FLT4: variants seen among roughly 807,000 people sequenced by gnomAD.
FLT4 encodes the protein fms related receptor tyrosine kinase 4.
In FLT4, 30 loss-of-function variants were observed where a neutral mutation model predicts 163.2. The ratio of observed to expected loss-of-function variants is 0.18; its 90% confidence interval spans 0.14 to 0.25. FLT4 has a LOEUF of 0.25. FLT4 is among the 10% of genes least tolerant of loss of function. FLT4 has a pLI of 1.00. For synonymous variants in FLT4, 884 were observed against 789.5 expected (o/e 1.12, Z -2.01); for missense variants, 1,510 against 1,863.8 (o/e 0.81, Z 3.50).
intron 6 of FLT4, 45 bp downstream of exon 6, chr5:180,629,651 G>A (rs920288640): frequency 1.3e-6 from 2 of 1,599,332 alleles, no homozygotes; most frequent in Non-Finnish European, 1.7e-6. Context: ...TACAGTCACA[G>A]GGACTCCTGG....
rs761685785 is a variant in FLT4, at chr5:180,618,859, C to G, written c.2912G>C (p.Arg971Pro). ...CCTGTCGCTGCTCCCCGGCCGCCTC[C>G]GATCCAGCCTGGCGAGCTCCACCAT... is the stretch of plus-strand genomic sequence containing the variant. Reference protein sequence around the residue: ...RAMVELARLDRRRPGSSDRVL... With the variant: ...RAMVELARLDPRRPGSSDRVL... The change falls in exon 21 of 30, where the codon CGG (arginine) becomes CCG (proline). Residue 971 changes from arginine (R) to proline (P), a missense_variant. Around this residue, in one of 5 missense-constraint regions of FLT4, gnomAD observed 878 missense variants for 1,016.7 expected, o/e 0.86. Coordinates refer to ENST00000261937, the MANE Select transcript of FLT4 (RefSeq NM_182925.5). 1.3e-6 allele frequency: 2 copies of G among 1,582,714 alleles called. No individual in the cohort carries two copies. The highest frequency in any genetic ancestry group is 2.3e-5 in the East Asian group (1 of 43,084).
chr5:180,634,563 A>G (rs1015177286), intron 1 of FLT4, among the ~76,000 whole-genome samples: 14 of 151,342 alleles, frequency 9.3e-5, no homozygotes, highest in East Asian at 4.0e-4. Context: ...TTAGCTGGGC[A>G]TGGTGGCGGG....
At chr5:180,616,337 C>G (rs757107065) in intron 23 of FLT4, 30 bp downstream of exon 23, 1 of 1,613,642 alleles carries the variant, frequency 6.2e-7, no homozygotes, top group Non-Finnish European at 8.5e-7. Context: ...TTCCGCCCCA[C>G]GTTCCCTCTC....
chr5:180,647,662 C>T (rs890491266), intron 1 of FLT4, among the ~76,000 whole-genome samples: 5 of 151,996 alleles, frequency 3.3e-5, no homozygotes, highest in East Asian at 1.9e-4. Context: ...TGGGGGCTCC[C>T]GGGGTCTTCA....
In FLT4 at chr5:180,606,885, G is replaced by A. The variant is rs1428962648; in HGVS notation, c.3893+2083C>T. Among the ~76,000 whole-genome samples the A allele has an allele frequency of 7.2e-4, 86 of 118,916 alleles. 1 individual carries two copies. Among genetic ancestry groups the A allele is most frequent in the African/African-American group, 2.3e-3 (70 of 30,922 alleles). The allele number at this position is 118,916 out of a possible 152,430, so 78.0% of individuals were successfully genotyped here. A position where few individuals can be genotyped will look rare whatever the true frequency, so the allele number is the denominator to read the frequency against. On this transcript the variant is annotated intron_variant, in intron 29 of 29. Transcript: ENST00000261937. ...AGCCTGGCCAACGTGGCGAAACCCC[G>A]TCTCTACTAAAAAAAAAAAAAAAAA...
At chr5:180,625,064 C>A (rs995856955) in intron 10 of FLT4, among the ~76,000 whole-genome samples, 3 of 152,216 alleles carry the variant, frequency 2.0e-5, no homozygotes, top group Non-Finnish European at 2.9e-5. Context: ...GAGCCTCCCC[C>A]ACTGACCACA....
chr5:180,629,077 G>A, intron 7 of FLT4, 78 bp from the exon 8 acceptor site: 1 of 1,458,776 alleles, frequency 6.9e-7, no homozygotes, highest in South Asian at 1.1e-5. Flanking sequence ...CACGGCCCCT[G>A]CAGCCCCGGC....
chr5:180,648,651 G>T (rs1372194472), intron 1 of FLT4, among the ~76,000 whole-genome samples: 2 of 151,830 alleles, frequency 1.3e-5, no homozygotes, highest in African/African-American at 2.4e-5. Flanking sequence ...TCCCTCTGCC[G>T]CCCGCTCATC....
intron 29 of FLT4, among the ~76,000 whole-genome samples, chr5:180,605,684 C>G (rs17080412): frequency 0.038 from 5,853 of 152,304 alleles, 186 homozygotes; most frequent in East Asian, 0.12. Context: ...ATTCTTCCTT[C>G]TGAAGGCTCA....
intron 10 of FLT4, 51 bp downstream of exon 10, chr5:180,625,818 A>C: frequency 5.7e-6 from 9 of 1,573,748 alleles, no homozygotes; most frequent in South Asian, 1.1e-5. Flanking sequence ...CTCATGGCTG[A>C]GGCTGGGGGC....
intron 29 of FLT4, among the ~76,000 whole-genome samples, chr5:180,604,109 A>G (rs1192912310): frequency 2.0e-5 from 3 of 152,074 alleles, no homozygotes; most frequent in African/African-American, 7.2e-5. Context: ...ACTTCAGAAA[A>G]CACACACAGA....
At chr5:180,622,874 C>T in intron 11 of FLT4, 35 bp from the exon 12 acceptor site, 1 of 1,414,070 alleles carries the variant, frequency 7.1e-7, no homozygotes, top group Non-Finnish European at 1.0e-6. Context: ...CCATTTCCTG[C>T]CCAAGTTCTC....
chr5:180,613,141 G>A lies in FLT4; in HGVS notation c.3332-31C>T, dbSNP rs772077250. Reference sequence around the variant, plus strand: ...AACAGGAAGGGGAGGTGGGTGGGGAGCAAGCCTCCTGCGGCTCAGCCCAGC... The same window carrying A: ...AACAGGAAGGGGAGGTGGGTGGGGAACAAGCCTCCTGCGGCTCAGCCCAGC... On this transcript the variant is annotated intron_variant, in intron 24 of 29. Transcript: ENST00000261937. The A allele has an allele frequency of 4.4e-5, 67 of 1,528,094 alleles. 1 individual carries two copies. The Admixed American group carries it at 1.1e-3, about 25-fold the overall frequency. 94.7% of individuals were successfully genotyped at this position (1,528,094 alleles called of 1,614,324 possible).
intron 13 of FLT4, 113 bp downstream of exon 13, chr5:180,621,423 AGCTCCT>A (rs1388513149): frequency 6.9e-7 from 1 of 1,459,058 alleles, no homozygotes; most frequent in African/African-American, 1.4e-5. Flanking sequence ...CAGGAGGGGT[AGCTCCT>A]GCAGGCCAGG....
Position 180,616,393 on chromosome 5 carries a change from C to G in FLT4, c.3193G>C (p.Asp1065His), listed in dbSNP as rs1253108216. The G allele has an allele frequency of 6.2e-7, 1 of 1,613,910 alleles. No homozygotes were observed. Among genetic ancestry groups the G allele is most frequent in the Non-Finnish European group, 8.5e-7 (1 of 1,180,012 alleles). Reference sequence around the variant, plus strand: ...CTGCCCTTGCGGACGTAGTCGGGGTCTTTGTAGATGTCCCGGGCAAGGCCA... The same window carrying G: ...CTGCCCTTGCGGACGTAGTCGGGGTGTTTGTAGATGTCCCGGGCAAGGCCA... ...DFGLARDIYKDPDYVRKGSAR... is the reference protein window; with the variant it reads ...DFGLARDIYKHPDYVRKGSAR... Residue 1065 changes from aspartate to histidine, a missense_variant, in exon 23 of 30, where the codon GAC (aspartate) becomes CAC (histidine). By Grantham distance (81) the Asp-to-His change is moderately conservative (BLOSUM62 -1). Around this residue, in one of 5 missense-constraint regions of FLT4, gnomAD observed 878 missense variants for 1,016.7 expected, o/e 0.86. Transcript: ENST00000261937.
intron 1 of FLT4, among the ~76,000 whole-genome samples, chr5:180,635,903 G>A (rs1764645444): frequency 7.0e-6 from 1 of 142,536 alleles, no homozygotes; most frequent in African/African-American, 2.6e-5. Context: ...ATGGGTGGAT[G>A]GGTGGGTGGG....
At chr5:180,624,120 G>C (rs544940558) in intron 10 of FLT4, 59 bp from the exon 11 acceptor site, 1 of 1,595,958 alleles carries the variant, frequency 6.3e-7, no homozygotes, top group African/African-American at 1.3e-5. Context: ...GGGCCCACAT[G>C]GGGGGCGGGG....
In FLT4 at chr5:180,620,119, C is replaced by T; in HGVS notation, c.2542+54G>A. ...GGAGGGATTCAGGCACTCCGGCCTG[C>T]AGCAGGTGGGTCGGGCAGGAGGTGT... On this transcript the variant is annotated intron_variant, in intron 17 of 29. Transcript: ENST00000261937. The surrounding 1 kb of genome is among the most constrained non-coding windows in gnomAD (Gnocchi z 4.4). 1.9e-6 allele frequency: 3 copies of T among 1,579,008 alleles called. No homozygotes were observed. The highest frequency in any genetic ancestry group is 1.7e-4 in the Middle Eastern group (1 of 5,900).
At chr5:180,638,254 C>T (rs1288875158) in intron 1 of FLT4, among the ~76,000 whole-genome samples, 1 of 152,204 alleles carries the variant, frequency 6.6e-6, no homozygotes, top group Non-Finnish European at 1.5e-5. Flanking sequence ...CACAGACAAC[C>T]CGCAGTCTAC....
Sources: allele counts gnomAD v4.1 joint callset (sites outside exome capture counted in the v4.1 genomes callset), GRCh38; gene constraint gnomAD v4.1.1; regional missense constraint gnomAD v4.1.1; non-coding constraint Gnocchi (gnomAD v3.1); transcripts MANE v1.5; gene names NCBI Gene and HGNC (gene_info 2026-07-23, HGNC 2026-07-21).